Variants in RIMS2 observed in about 807,000 individuals in gnomAD.
RIMS2 encodes regulating synaptic membrane exocytosis protein 2.
In RIMS2, 59 loss-of-function variants were observed where a neutral mutation model predicts 174.4. The observed-to-expected ratio is 0.34, with a 90% CI of 0.27 to 0.42. RIMS2 has a LOEUF of 0.42. Among genes scored for constraint, RIMS2 ranks in the 10% least tolerant of loss-of-function variants. The probability of loss-of-function intolerance (pLI) is 1.00; values close to 1 mark genes in which losing one functional copy is unlikely to be tolerated. For synonymous variants in RIMS2, 606 were observed against 572.5 expected, an observed-to-expected ratio of 1.06 and a Z score of -0.84; for missense variants, 1,620 against 1,666.3, an observed-to-expected ratio of 0.97 and a Z score of 0.48.
intron 1 of RIMS2, among the ~76,000 whole-genome samples, chr8:103,583,885 C>T (rs111958335): frequency 2.0e-5 from 3 of 152,028 alleles, no homozygotes; most frequent in African/African-American, 4.8e-5. Context: ...ACATATATCA[C>T]GTGAGTGGGG....
At chr8:104,148,616 A>C in intron 19 of RIMS2, 1 of 1,597,744 alleles carries the variant, frequency 6.3e-7, no homozygotes, top group Middle Eastern at 1.7e-4. Context: ...GTGTCTTTAC[A>C]TCCAAAATGC....
intron 19 of RIMS2, among the ~76,000 whole-genome samples, chr8:104,186,643 C>A (rs921998387): frequency 6.6e-6 from 1 of 151,714 alleles, no homozygotes; most frequent in Non-Finnish European, 1.5e-5. Context: ...ATGTTAATAT[C>A]CCAGCCAGTG....
At chr8:103,956,802 G>C (rs993455334) in intron 14 of RIMS2, among the ~76,000 whole-genome samples, 1 of 152,202 alleles carries the variant, frequency 6.6e-6, no homozygotes, top group African/African-American at 2.4e-5. Context: ...GCTATCATCA[G>C]AGTGAACAGG....
At chr8:103,918,523 A>G (rs368777775) in intron 9 of RIMS2, 36 bp downstream of exon 12, 1 of 1,410,820 alleles carries the variant, frequency 7.1e-7, no homozygotes, top group African/African-American at 1.4e-5. Context: ...AACGTTATTT[A>G]TAATTGCATT....
At chr8:104,045,535 A>C (rs1235981172) in intron 19 of RIMS2, among the ~76,000 whole-genome samples, 3 of 151,866 alleles carry the variant, frequency 2.0e-5, no homozygotes, top group Non-Finnish European at 3.0e-5. Flanking sequence ...CAGCTACACA[A>C]ATTTTTAGAA....
chr8:103,608,654 G>C (rs186863323), intron 1 of RIMS2, among the ~76,000 whole-genome samples: 2 of 149,594 alleles, frequency 1.3e-5, no homozygotes, highest in Admixed American at 1.3e-4. Flanking sequence ...CTCCGTGGGC[G>C]TAGGACCCTC....
chr8:103,521,344 C>G (rs1160635333), intron 1 of RIMS2, among the ~76,000 whole-genome samples: 1 of 151,754 alleles, frequency 6.6e-6, no homozygotes, highest in Non-Finnish European at 1.5e-5. Context: ...GTAACCTCAC[C>G]ATCCTATACA....
At chr8:103,728,417 T>C (rs2097549281) in intron 2 of RIMS2, among the ~76,000 whole-genome samples, 1 of 152,120 alleles carries the variant, frequency 6.6e-6, no homozygotes, top group African/African-American at 2.4e-5. Context: ...TAATGCCTTT[T>C]ATCTCTTTTT....
At chr8:104,031,593 A>G (rs1317373559) in intron 19 of RIMS2, among the ~76,000 whole-genome samples, 1 of 152,168 alleles carries the variant, frequency 6.6e-6, no homozygotes, top group Admixed American at 6.6e-5. Flanking sequence ...AAAATCCCAT[A>G]GATCCCTGAA....
chr8:104,129,093 A>AAGATTTTATGGCCAGGCAC (rs889498500), intron 19 of RIMS2, among the ~76,000 whole-genome samples: 1 of 152,190 alleles, frequency 6.6e-6, no homozygotes, highest in African/African-American at 2.4e-5. Context: ...AGTGAGACTT[A>AAGATTTTATGGCCAGGCAC]AGATTTTATG....
In RIMS2 at chr8:104,248,642, G is replaced by A. The variant is rs945096198; in HGVS notation, c.3477-59G>A. On this transcript the variant is annotated intron_variant, in intron 20 of 23. Coordinates refer to ENST00000504942, the Ensembl canonical transcript of RIMS2. ...AATAATGAGGCTAGAATGAAACCAA[G>A]CTTACCTGAAAATAAATAGGGGTTG... The A allele has an allele frequency of 9.6e-6, 9 of 933,328 alleles. 1 individual carries two copies. In the East Asian group the frequency reaches 1.4e-4, roughly 15 times the overall value. The allele number at this position is 933,328 out of a possible 1,614,324, so 57.8% of individuals were successfully genotyped here.
At chr8:104,124,444 C>G (rs2098412008) in intron 19 of RIMS2, among the ~76,000 whole-genome samples, 1 of 152,104 alleles carries the variant, frequency 6.6e-6, no homozygotes, top group Non-Finnish European at 1.5e-5. Flanking sequence ...CCTCTTCTCA[C>G]TCAATGTCAC....
At chr8:103,841,304 T>C (rs181798783) in intron 3 of RIMS2, among the ~76,000 whole-genome samples, 1 of 152,346 alleles carries the variant, frequency 6.6e-6, no homozygotes, top group East Asian at 1.9e-4. Context: ...GATCTGAAAT[T>C]GCTGCTTTTT....
intron 14 of RIMS2, among the ~76,000 whole-genome samples, chr8:103,953,006 G>A (rs1263113665): frequency 6.6e-6 from 1 of 152,046 alleles, no homozygotes; most frequent in Non-Finnish European, 1.5e-5. Flanking sequence ...GTGGAAGAAA[G>A]GATATCAGAG....
chr8:104,058,376 A>G (rs1166424244), intron 19 of RIMS2, among the ~76,000 whole-genome samples: 2 of 149,214 alleles, frequency 1.3e-5, no homozygotes, highest in East Asian at 3.9e-4. Flanking sequence ...TCTTTTGAGA[A>G]GTGTCTGTTC....
At chr8:103,525,116 T>G (rs1483870222) in intron 1 of RIMS2, among the ~76,000 whole-genome samples, 1 of 152,198 alleles carries the variant, frequency 6.6e-6, no homozygotes, top group African/African-American at 2.4e-5. Flanking sequence ...AAATATTGAT[T>G]CTTTAATCAT....
intron 3 of RIMS2, among the ~76,000 whole-genome samples, chr8:103,872,419 G>A (rs2099116940): frequency 6.6e-6 from 1 of 152,142 alleles, no homozygotes; most frequent in African/African-American, 2.4e-5. Flanking sequence ...GTTCTCACTT[G>A]AGACAAGTCG....
At chr8:103,594,463 C>G (rs2094405772) in intron 1 of RIMS2, among the ~76,000 whole-genome samples, 1 of 151,546 alleles carries the variant, frequency 6.6e-6, no homozygotes. Context: ...AACAGAAACA[C>G]ACACACAAAA....
chr8:103,824,808 C>G (rs1198022307), intron 3 of RIMS2, among the ~76,000 whole-genome samples: 1 of 152,176 alleles, frequency 6.6e-6, no homozygotes, highest in Non-Finnish European at 1.5e-5. Context: ...TCAGGACTTA[C>G]GGTTACTCAT....
Sources: allele counts gnomAD v4.1 joint callset (sites outside exome capture counted in the v4.1 genomes callset), GRCh38; gene constraint gnomAD v4.1.1; transcripts MANE v1.5; gene names NCBI Gene and HGNC (gene_info 2026-07-23, HGNC 2026-07-21).